The following SLC44A3 variants were observed in gnomAD, a reference collection of about 807,000 sequenced individuals.
SLC44A3 encodes the protein solute carrier family 44 member 3, also known as choline transporter-like protein 3.
SLC44A3 carries 74 observed loss-of-function variants against 75.4 expected under a neutral mutation model. The ratio of observed to expected loss-of-function variants is 0.98; its 90% CI spans 0.81 to 1.19. The LOEUF (loss-of-function observed/expected upper bound fraction) is 1.19, where lower values mean the gene tolerates loss of function less well. SLC44A3 is among the 50% of genes most tolerant of loss of function. The pLI is 0.00. For synonymous variants in SLC44A3, 310 were observed against 296.9 expected (o/e 1.04, Z -0.45); for missense variants, 700 against 778.6 (o/e 0.90, Z 1.20).
At chr1:94,833,114 C>T (rs985463133) in intron 5 of SLC44A3, among the ~76,000 whole-genome samples, 2 of 152,148 alleles carry the variant, frequency 1.3e-5, no homozygotes, top group African/African-American at 4.8e-5. Context: ...GTCAGCCTCC[C>T]TTCTCCTCTG....
chr1:94,878,009 T>C (rs76700446), intron 12 of SLC44A3, among the ~76,000 whole-genome samples: 2 of 151,664 alleles, frequency 1.3e-5, no homozygotes, highest in Non-Finnish European at 2.9e-5. Flanking sequence ...CCAAGGCGGG[T>C]GGATCACGAG....
chr1:94,821,177 A>G (rs1332610156), intron 2 of SLC44A3, 121 bp downstream of exon 2: 5 of 780,152 alleles, frequency 6.4e-6, no homozygotes, highest in Non-Finnish European at 6.1e-6. Context: ...TTAACCCACA[A>G]TAAACATCAG....
intron 3 of SLC44A3, chr1:94,825,906 A>C (rs1393087034): frequency 2.2e-6 from 1 of 456,152 alleles, no homozygotes; most frequent in African/African-American, 2.0e-5. Context: ...CATTGTGTTC[A>C]TAATGCAGTG....
At chr1:94,889,663 A>G (rs1057435110) in intron 12 of SLC44A3, among the ~76,000 whole-genome samples, 3 of 152,184 alleles carry the variant, frequency 2.0e-5, no homozygotes, top group Admixed American at 2.0e-4. Context: ...ACAGCAAAAC[A>G]TTTGAAACAG....
chr1:94,849,230 A>G (rs1266490090), intron 9 of SLC44A3, among the ~76,000 whole-genome samples: 1 of 152,160 alleles, frequency 6.6e-6, no homozygotes, highest in African/African-American at 2.4e-5. Context: ...CAAGCAGCAA[A>G]CAGCGAGAAC....
At chr1:94,864,407 T>A (rs987278675) in intron 10 of SLC44A3, among the ~76,000 whole-genome samples, 9 of 152,210 alleles carry the variant, frequency 5.9e-5, no homozygotes, top group African/African-American at 1.7e-4. Context: ...CCTTGGAGAT[T>A]GTGCCGCAAT....
In SLC44A3 at chr1:94,839,904, C is replaced by T. The variant is rs751561774; in HGVS notation, c.671-44C>T. 6.4e-6 allele frequency: 9 copies of T among 1,409,868 alleles called. No homozygotes were observed. The South Asian group carries it at 1.0e-4, about 16-fold the overall frequency. 87.3% of individuals were successfully genotyped at this position (1,409,868 alleles called of 1,614,324 possible). A position where few individuals can be genotyped will look rare whatever the true frequency, so the allele number is the denominator to read the frequency against. On this transcript the variant is annotated intron_variant, in intron 6 of 14. Transcript: ENST00000271227. ...GCAGTACTACCATCATCTCCCCTATCCTTTGTTGCTATTGAGGTTTATGTG... is the reference window on the plus strand; with the variant it reads ...GCAGTACTACCATCATCTCCCCTATTCTTTGTTGCTATTGAGGTTTATGTG...
intron 9 of SLC44A3, among the ~76,000 whole-genome samples, chr1:94,848,946 C>T (rs1664820724): frequency 6.6e-6 from 1 of 152,052 alleles, no homozygotes; most frequent in Non-Finnish European, 1.5e-5. Context: ...CAAGGCAGCA[C>T]AAGGAGAGGA....
intron 10 of SLC44A3, among the ~76,000 whole-genome samples, chr1:94,864,472 G>A (rs1227715133): frequency 1.3e-5 from 2 of 152,106 alleles, no homozygotes; most frequent in Admixed American, 6.6e-5. Flanking sequence ...GTTGGTGGAT[G>A]GGCTCTGCAT....
chr1:94,837,835 A>T lies in SLC44A3; in HGVS notation c.634A>T (p.Arg212Ter), dbSNP rs752562000. The change falls in exon 6 of 15, where the codon AGA becomes TGA. Residue 212 changes from arginine to a stop codon, truncating the protein, a stop_gained. Transcript: ENST00000271227. LOFTEE classifies it high-confidence loss of function. Reference sequence around the variant, plus strand: ...AATTCTAAGTGGAATCATGTCGGGAAGAGATACAATCCTTGGCCTGTGTAT... The same window carrying T: ...AATTCTAAGTGGAATCATGTCGGGATGAGATACAATCCTTGGCCTGTGTAT... The part of the protein sequence containing the change: ...HRILSGIMSG[R>*]DTILGLCILA... The T allele has an allele frequency of 2.5e-6, 4 of 1,611,072 alleles. No individual in the cohort carries two copies. The highest frequency in any genetic ancestry group is 3.4e-6 in the Non-Finnish European group (4 of 1,179,158).
chr1:94,841,943 G>A, intron 7 of SLC44A3, 57 bp from the exon 8 acceptor site: 1 of 1,542,258 alleles, frequency 6.5e-7, no homozygotes, highest in Non-Finnish European at 8.7e-7. Context: ...TCTGTGTGCT[G>A]GGGAAAGGTT....
At chr1:94,888,200 G>A (rs1669814196) in intron 12 of SLC44A3, among the ~76,000 whole-genome samples, 1 of 152,192 alleles carries the variant, frequency 6.6e-6, no homozygotes, top group Non-Finnish European at 1.5e-5. Flanking sequence ...TGGCTACAGA[G>A]CCTGTGCTTA....
Position 94,820,379 on chromosome 1 carries a change from C to T in SLC44A3, c.-73C>T. The T allele has an allele frequency of 2.2e-6, 3 of 1,385,732 alleles. No individual in the cohort carries two copies. The highest frequency in any genetic ancestry group is 3.4e-5 in the Admixed American group (1 of 29,648). 85.8% of individuals were successfully genotyped at this position (1,385,732 alleles called of 1,614,324 possible). On this transcript the variant is annotated 5_prime_UTR_variant, in exon 1 of 15. Coordinates refer to ENST00000271227, the MANE Select transcript of SLC44A3 (RefSeq NM_001114106.3). ...CCCAGCCCCGGCCCCGGCCCCGGCTCGCGGGCGCTGCGTCTCCGCGTACAG... is the reference window on the plus strand; with the variant it reads ...CCCAGCCCCGGCCCCGGCCCCGGCTTGCGGGCGCTGCGTCTCCGCGTACAG...
At position 94,895,222 on chromosome 1, in the gene SLC44A3, T is replaced by C. The variant is rs1670636141; in HGVS notation, c.*300T>C. ...GGTAAGTTTGTAAGTGCACAACTAA[T>C]AAATAAACCTTTTTAAGATAAGGAT... On this transcript the variant is annotated 3_prime_UTR_variant, in exon 15 of 15. Coordinates refer to ENST00000271227, the MANE Select transcript of SLC44A3 (RefSeq NM_001114106.3). The C allele has an allele frequency of 4.4e-6, 1 of 225,340 alleles. No individual in the cohort carries two copies. The highest frequency in any genetic ancestry group is 8.7e-6 in the Non-Finnish European group (1 of 114,522). 14.0% of individuals were successfully genotyped at this position (225,340 alleles called of 1,614,324 possible).
At chr1:94,878,792 C>A (rs1668609230) in intron 12 of SLC44A3, among the ~76,000 whole-genome samples, 1 of 152,148 alleles carries the variant, frequency 6.6e-6, no homozygotes, top group African/African-American at 2.4e-5. Flanking sequence ...GCATATGTGG[C>A]CAAATGATTT....
chr1:94,877,212 T>C (rs1012679117), intron 12 of SLC44A3, among the ~76,000 whole-genome samples: 1 of 148,812 alleles, frequency 6.7e-6, no homozygotes, highest in Non-Finnish European at 1.5e-5. Flanking sequence ...CAGGAGAGTG[T>C]CATTTTCTAA....
At chr1:94,850,131 G>C (rs859106) in intron 9 of SLC44A3, among the ~76,000 whole-genome samples, 1 of 152,070 alleles carries the variant, frequency 6.6e-6, no homozygotes, top group Non-Finnish European at 1.5e-5. Context: ...TGCCCAGATG[G>C]GCTATTTTTC....
At chr1:94,851,674 CCT>C in intron 9 of SLC44A3, among the ~76,000 whole-genome samples, 1 of 152,324 alleles carries the variant, frequency 6.6e-6, no homozygotes, top group Middle Eastern at 3.4e-3. Flanking sequence ...ATGAGATTTT[CCT>C]CTCTTTTTTC....
chr1:94,876,816 T>C (rs698954), intron 12 of SLC44A3, among the ~76,000 whole-genome samples: 150,497 of 152,338 alleles, frequency 0.99, 74,361 homozygotes, highest in East Asian at 1. Flanking sequence ...GGGTGGAAAA[T>C]TTAATTTGTT....
Sources: allele counts gnomAD v4.1 joint callset (sites outside exome capture counted in the v4.1 genomes callset), GRCh38; gene constraint gnomAD v4.1.1; transcripts MANE v1.5; gene names NCBI Gene and HGNC (gene_info 2026-07-23, HGNC 2026-07-21).